Variants in PDE11A observed in about 807,000 individuals in gnomAD.
The protein encoded by PDE11A is dual 3',5'-cyclic-AMP and -GMP phosphodiesterase 11A.
Under a neutral mutation model 100.5 loss-of-function variants are expected in PDE11A, and 100 were observed. The observed-to-expected ratio is 1.00, with a 90% CI of 0.85 to 1.18. The LOEUF is 1.18. Ranked by LOEUF, PDE11A falls within the 50% of genes most tolerant of loss-of-function variation. PDE11A has a pLI of 0.00. For synonymous variants in PDE11A, 381 were observed against 420.8 expected (o/e 0.91, Z 1.16); for missense variants, 1,141 against 1,152.6 (o/e 0.99, Z 0.15).
chr2:177,841,229 A>C (rs1468671755), intron 5 of PDE11A, among the ~76,000 whole-genome samples: 2 of 152,162 alleles, frequency 1.3e-5, no homozygotes, highest in African/African-American at 2.4e-5. Context: ...GTATATATTG[A>C]GCACTGCCAG....
At chr2:177,949,864 C>T (rs1056185501) in intron 2 of PDE11A, among the ~76,000 whole-genome samples, 2 of 152,126 alleles carry the variant, frequency 1.3e-5, no homozygotes, top group African/African-American at 4.8e-5. Flanking sequence ...TCTTATAGGG[C>T]GTGATGCAAA....
chr2:177,737,918 C>T (rs915422299), intron 10 of PDE11A, among the ~76,000 whole-genome samples: 1 of 152,178 alleles, frequency 6.6e-6, no homozygotes, highest in African/African-American at 2.4e-5. Flanking sequence ...AAATATTTAT[C>T]AGATGAATGA....
intron 13 of PDE11A, among the ~76,000 whole-genome samples, chr2:177,704,044 G>A (rs1253658370): frequency 1.3e-5 from 2 of 152,194 alleles, no homozygotes; most frequent in Non-Finnish European, 2.9e-5. Flanking sequence ...ACAGAAAATA[G>A]GTAGATTTTG....
chr2:178,051,080 G>GA (rs1414782141), intron 1 of PDE11A, among the ~76,000 whole-genome samples: 1 of 1,590 alleles, frequency 6.3e-4, no homozygotes. Context: ...TTGAAATGAA[G>GA]AAAAAATGCT....
chr2:177,784,199 C>T (rs1230749674), intron 9 of PDE11A, among the ~76,000 whole-genome samples: 1 of 80,548 alleles, frequency 1.2e-5, no homozygotes, highest in East Asian at 4.1e-4. Context: ...ATACAGACCA[C>T]AAAGACTGCT....
At chr2:177,711,216 C>G (rs6760512) in intron 13 of PDE11A, among the ~76,000 whole-genome samples, 13,226 of 152,248 alleles carry the variant, frequency 0.087, 1,921 homozygotes, top group African/African-American at 0.3. Flanking sequence ...CCAGACATCC[C>G]TGTATTTCTG....
chr2:177,703,010 C>G (rs2081224027), intron 13 of PDE11A, among the ~76,000 whole-genome samples: 1 of 151,920 alleles, frequency 6.6e-6, no homozygotes. Flanking sequence ...ATACTATATG[C>G]CTTTGTCTTG....
chr2:178,033,702 T>C (rs940148789), intron 1 of PDE11A, among the ~76,000 whole-genome samples: 3 of 152,088 alleles, frequency 2.0e-5, no homozygotes, highest in Non-Finnish European at 4.4e-5. Context: ...AGTGGATCTC[T>C]CTGCAGAAAC....
chr2:177,720,933 CT>C (rs2081516910), intron 12 of PDE11A, among the ~76,000 whole-genome samples: 1 of 152,082 alleles, frequency 6.6e-6, no homozygotes, highest in Admixed American at 6.6e-5. Flanking sequence ...TATGTTGACC[CT>C]TTAGCCTCAA....
At chr2:178,090,534 C>CTCCAA (rs1457854373) in intron 2 of PDE11A, among the ~76,000 whole-genome samples, 2 of 113,310 alleles carry the variant, frequency 1.8e-5, no homozygotes, top group Non-Finnish European at 3.9e-5. Context: ...ATAAGTCAAG[C>CTCCAA]TCCAAACCTG....
At chr2:178,070,126 T>C (rs2087106768) in intron 1 of PDE11A, among the ~76,000 whole-genome samples, 1 of 152,252 alleles carries the variant, frequency 6.6e-6, no homozygotes, top group Non-Finnish European at 1.5e-5. Flanking sequence ...TTCTCATAGC[T>C]TTCTAGGATT....
At chr2:177,743,310 T>C (rs1407100368) in intron 10 of PDE11A, among the ~76,000 whole-genome samples, 1 of 152,214 alleles carries the variant, frequency 6.6e-6, no homozygotes, top group Admixed American at 6.5e-5. Flanking sequence ...AATACTGCTC[T>C]CTTGGTTTCA....
At chr2:177,829,167 G>C (rs2083270994) in intron 6 of PDE11A, among the ~76,000 whole-genome samples, 1 of 152,204 alleles carries the variant, frequency 6.6e-6, no homozygotes, top group Non-Finnish European at 1.5e-5. Context: ...CCTCAATAGA[G>C]ATATGGAAAC....
At chr2:177,699,131 T>A (rs1475495926) in intron 14 of PDE11A, among the ~76,000 whole-genome samples, 10 of 152,194 alleles carry the variant, frequency 6.6e-5, no homozygotes, top group Non-Finnish European at 1.3e-4. Context: ...ATCTCCTCAT[T>A]GTGTGAACAT....
intron 6 of PDE11A, among the ~76,000 whole-genome samples, chr2:177,821,238 A>G (rs2083133418): frequency 6.6e-6 from 1 of 151,874 alleles, no homozygotes; most frequent in Non-Finnish European, 1.5e-5. Context: ...TTAATTTTCC[A>G]GATATCTTCT....
intron 1 of PDE11A, among the ~76,000 whole-genome samples, chr2:178,046,239 G>C (rs1375533238): frequency 6.6e-6 from 1 of 152,124 alleles, no homozygotes; most frequent in Non-Finnish European, 1.5e-5. Context: ...GTTGATATGA[G>C]CTCTTCACCT....
intron 1 of PDE11A, among the ~76,000 whole-genome samples, chr2:178,017,635 A>G (rs2086354583): frequency 6.6e-6 from 1 of 152,172 alleles, no homozygotes; most frequent in African/African-American, 2.4e-5. Context: ...AGGAGGCTTC[A>G]ACTACAACAA....
intron 2 of PDE11A, among the ~76,000 whole-genome samples, chr2:177,993,383 A>G (rs1186075043): frequency 6.6e-6 from 1 of 152,020 alleles, no homozygotes; most frequent in Non-Finnish European, 1.5e-5. Flanking sequence ...TAAAAAAAAA[A>G]TGTTTAGCTC....
At chr2:177,648,388 T>G (rs547635596) in intron 19 of PDE11A, among the ~76,000 whole-genome samples, 1 of 152,302 alleles carries the variant, frequency 6.6e-6, no homozygotes, top group South Asian at 2.1e-4. Flanking sequence ...TATTTCATTT[T>G]TAGAGTGCAG....
Sources: gnomAD v4.1 joint callset for allele counts (sites outside exome capture counted in the v4.1 genomes callset) on GRCh38, gnomAD v4.1.1 for gene constraint, MANE v1.5 for transcripts, NCBI Gene and HGNC (gene_info 2026-07-23, HGNC 2026-07-21) for gene names.